CNTNAP4: variants seen among roughly 807,000 people sequenced by gnomAD.
The protein encoded by CNTNAP4 is contactin associated protein family member 4, also known as contactin-associated protein-like 4.
A neutral mutation model predicts 148.4 loss-of-function variants in CNTNAP4; 98 were observed. The observed-to-expected ratio is 0.66, with a 90% CI of 0.56 to 0.78. The LOEUF (loss-of-function observed/expected upper bound fraction) is 0.78. Among genes scored for constraint, CNTNAP4 ranks in the 30% least tolerant of loss-of-function variants. CNTNAP4 has a pLI of 0.00. For synonymous variants in CNTNAP4, 730 were observed against 565.1 expected (o/e 1.29, Z -4.14); for missense variants, 1,935 against 1,565.6 (o/e 1.24, Z -3.98).
intron 2 of CNTNAP4, among the ~76,000 whole-genome samples, chr16:76,340,322 T>G (rs1964365004): frequency 6.6e-6 from 1 of 152,300 alleles, no homozygotes; most frequent in African/African-American, 2.4e-5. Context: ...TCCTTCATTC[T>G]CATCACCCAA....
intron 2 of CNTNAP4, among the ~76,000 whole-genome samples, chr16:76,349,287 C>T (rs1223978281): frequency 2.0e-5 from 3 of 152,106 alleles, no homozygotes; most frequent in African/African-American, 2.4e-5. Context: ...CTCACAAAAT[C>T]CTGAAATTGC....
intron 3 of CNTNAP4, among the ~76,000 whole-genome samples, chr16:76,361,016 G>A (rs1368434205): frequency 6.6e-5 from 10 of 151,604 alleles, no homozygotes; most frequent in African/African-American, 2.4e-4. Context: ...GTAGATACGG[G>A]GTTTCACCAC....
chr16:76,496,075 C>G (rs1452912647), intron 14 of CNTNAP4, among the ~76,000 whole-genome samples: 1 of 72,940 alleles, frequency 1.4e-5, no homozygotes, highest in African/African-American at 4.4e-5. Flanking sequence ...TCATAAACAT[C>G]AAGATTATGT....
intron 3 of CNTNAP4, among the ~76,000 whole-genome samples, chr16:76,377,514 A>C (rs79739700): frequency 0.14 from 21,936 of 152,142 alleles, 2,397 homozygotes; most frequent in East Asian, 0.45. Flanking sequence ...AATGATTAAG[A>C]AGAAGGTGTG....
chr16:76,459,065 C>T (rs530774876), intron 8 of CNTNAP4, among the ~76,000 whole-genome samples: 1 of 152,210 alleles, frequency 6.6e-6, no homozygotes, highest in East Asian at 1.9e-4. Context: ...TTGAGAAGAA[C>T]TGTTGGACAC....
At chr16:76,481,577 C>A (rs2081830302) in intron 12 of CNTNAP4, among the ~76,000 whole-genome samples, 2 of 152,044 alleles carry the variant, frequency 1.3e-5, no homozygotes, top group South Asian at 2.1e-4. Flanking sequence ...GCTTAATAGC[C>A]TCCCGGGGCT....
Position 76,509,738 on chromosome 16 carries a change from T to C in CNTNAP4, c.2365+11044T>C, listed in dbSNP as rs1005870696. Among the ~76,000 whole-genome samples, 5 of 97,462 alleles carry C rather than the reference T, an allele frequency of 5.1e-5. 1 individual carries two copies. Among genetic ancestry groups the C allele is most frequent in the African/African-American group, 1.3e-4 (5 of 38,906 alleles). 63.9% of individuals were successfully genotyped at this position (97,462 alleles called of 152,430 possible). A position where few individuals can be genotyped will look rare whatever the true frequency, so the allele number is the denominator to read the frequency against. ...TTTTTGCTAGTTATGCTATTATTTG[T>C]ATATTGTTACTTTTAAAGGCTAACC... On this transcript the variant is annotated intron_variant, in intron 15 of 23. Transcript: ENST00000611870.
chr16:76,403,690 T>A (rs1339043226), intron 3 of CNTNAP4, among the ~76,000 whole-genome samples: 1 of 152,126 alleles, frequency 6.6e-6, no homozygotes, highest in Non-Finnish European at 1.5e-5. Flanking sequence ...ACAATCCCAT[T>A]ACTGGGTATG....
At chr16:76,450,209 G>A (rs373511425) in intron 7 of CNTNAP4, among the ~76,000 whole-genome samples, 43 of 152,120 alleles carry the variant, frequency 2.8e-4, no homozygotes, top group African/African-American at 1.0e-3. Context: ...GGGTGCAGTG[G>A]CATAATCTCG....
intron 9 of CNTNAP4, 117 bp from the exon 10 acceptor site, chr16:76,467,235 T>G (rs1433873015): frequency 1.2e-6 from 1 of 846,240 alleles, no homozygotes; most frequent in African/African-American, 1.7e-5. Context: ...CATTATTCCC[T>G]CCTTTAATAC....
rs564357571 is a variant in CNTNAP4 at position 76,506,557 on chromosome 16, G to A, written c.2365+7863G>A. Among the ~76,000 whole-genome samples the A allele has an allele frequency of 5.2e-4, 37 of 71,766 alleles. 5 individuals carry two copies. The highest frequency in any genetic ancestry group is 1.0e-3 in the African/African-American group (32 of 31,134). The allele number at this position is 71,766 out of a possible 152,430, so 47.1% of individuals were successfully genotyped here. A position where few individuals can be genotyped will look rare whatever the true frequency, so the allele number is the denominator to read the frequency against. ...ATGCAGTTGGCTCATTGCAAACTCC[G>A]CCTCCTGGGTTCAAGTGATTCTCCT... On this transcript the variant is annotated intron_variant, in intron 15 of 23. Transcript: ENST00000611870.
intron 2 of CNTNAP4, among the ~76,000 whole-genome samples, chr16:76,347,424 C>T (rs1965000906): frequency 6.6e-6 from 1 of 152,074 alleles, no homozygotes; most frequent in Non-Finnish European, 1.5e-5. Context: ...CAGGTGAAGA[C>T]CCCTGGTCTC....
intron 3 of CNTNAP4, among the ~76,000 whole-genome samples, chr16:76,378,936 G>A (rs1287209397): frequency 1.3e-5 from 2 of 152,196 alleles, no homozygotes; most frequent in Non-Finnish European, 2.9e-5. Flanking sequence ...GAGGGCTTCA[G>A]TTCTATGGCC....
intron 17 of CNTNAP4, among the ~76,000 whole-genome samples, chr16:76,532,680 G>GC (rs1286967022): frequency 2.6e-5 from 4 of 152,076 alleles, no homozygotes; most frequent in East Asian, 3.9e-4. Flanking sequence ...ACAGAATGTG[G>GC]CCCCCCTGCA....
intron 9 of CNTNAP4, among the ~76,000 whole-genome samples, chr16:76,466,705 GA>G (rs1455124039): frequency 3.3e-5 from 5 of 151,718 alleles, no homozygotes; most frequent in Admixed American, 6.6e-5. Context: ...ATAAATGTTA[GA>G]AAAAAATCAA....
intron 21 of CNTNAP4, among the ~76,000 whole-genome samples, chr16:76,549,252 G>A (rs1283971153): frequency 6.6e-6 from 1 of 152,160 alleles, no homozygotes; most frequent in African/African-American, 2.4e-5. Flanking sequence ...GCATTAGAAA[G>A]TATTAATGTG....
chr16:76,507,008 G>T lies in CNTNAP4; in HGVS notation c.2365+8314G>T, dbSNP rs1278910273. Among the ~76,000 whole-genome samples the T allele has an allele frequency of 2.1e-5, 2 of 97,294 alleles. 1 individual carries two copies. The highest frequency in any genetic ancestry group is 5.9e-5 in the Non-Finnish European group (2 of 34,184). The allele number at this position is 97,294 out of a possible 152,430, so 63.8% of individuals were successfully genotyped here. ...AGTAATAAAAAATGGACTGGAGATA[G>T]TATTTTGTATACCTTTGCTTTTCCC... On this transcript the variant is annotated intron_variant, in intron 15 of 23. Coordinates refer to ENST00000611870, the MANE Select transcript of CNTNAP4 (RefSeq NM_033401.5).
chr16:76,366,819 A>G (rs1318757940), intron 3 of CNTNAP4, among the ~76,000 whole-genome samples: 2 of 152,212 alleles, frequency 1.3e-5, no homozygotes, highest in Non-Finnish European at 2.9e-5. Context: ...GAAACAAAAA[A>G]AGAACTATTT....
chr16:76,353,468 C>G (rs1664278230), intron 2 of CNTNAP4, among the ~76,000 whole-genome samples: 2 of 152,180 alleles, frequency 1.3e-5, no homozygotes, highest in Admixed American at 6.6e-5. Flanking sequence ...TGGTCACTTT[C>G]CTTTCTTAGC....
Sources: allele counts gnomAD v4.1 joint callset (sites outside exome capture counted in the v4.1 genomes callset), GRCh38; gene constraint gnomAD v4.1.1; transcripts MANE v1.5; gene names NCBI Gene and HGNC (gene_info 2026-07-23, HGNC 2026-07-21).